The following ZC4H2 variants were observed in gnomAD, a reference collection of about 807,000 sequenced individuals.
The protein encoded by ZC4H2 is zinc finger C4H2-type containing, also known as zinc finger C4H2 domain-containing protein.
For missense variants in ZC4H2, 137 were observed against 173.9 expected (o/e 0.79, Z 1.19); for synonymous variants, 84 against 66.3 (o/e 1.27, Z -1.30).
intron 1 of ZC4H2, among the ~76,000 whole-genome samples, chrX:64,982,812 G>C: frequency 8.9e-6 from 1 of 112,168 alleles, no homozygotes; most frequent in Non-Finnish European, 1.9e-5. Context: ...GTATAAAAAT[G>C]TACAATGAAA....
chrX:65,023,663 G>A (rs1932853775), intron 1 of ZC4H2, among the ~76,000 whole-genome samples: 2 of 111,581 alleles, frequency 1.8e-5, no homozygotes, highest in East Asian at 2.8e-4. Context: ...TGGTGGGAGT[G>A]TAAATTGATT....
In ZC4H2 at chrX:64,921,850, C is replaced by G; in HGVS notation, c.192G>C (p.Glu64Asp). The change falls in exon 2 of 5, where the codon GAG (glutamate) becomes GAC (aspartate). Residue 64 changes from glutamate (E) to aspartate (D), a missense_variant. Physicochemically the swap from Glu to Asp is conservative, Grantham distance 45 (BLOSUM62 2). Coordinates refer to ENST00000374839, the MANE Select transcript of ZC4H2 (RefSeq NM_018684.4). ...TGTCAGCGTGGATCAGTCGGAGTTC[C>G]TCCACATGGGCCATCTTCTCCTGTA... ...LLLQEKMAHVEELRLIHADIN... is the reference protein window; with the variant it reads ...LLLQEKMAHVDELRLIHADIN... The G allele has an allele frequency of 8.3e-7, 1 of 1,210,807 alleles. No homozygotes were observed.
At chrX:64,977,497 T>G (rs1931985045), upstream of ZC4H2, among the ~76,000 whole-genome samples, 1 of 111,969 alleles carries the variant, frequency 8.9e-6, no homozygotes, top group Non-Finnish European at 1.9e-5. Flanking sequence ...AACTTTTAAA[T>G]TAATTAATTT....
At chrX:64,938,678 C>A (rs1468641662) in intron 1 of ZC4H2, among the ~76,000 whole-genome samples, 3 of 111,695 alleles carry the variant, frequency 2.7e-5, no homozygotes, top group African/African-American at 9.8e-5. Flanking sequence ...TAACCAATGA[C>A]AAAAAAGTCA....
upstream of ZC4H2, among the ~76,000 whole-genome samples, chrX:64,978,247 C>A (rs750905207): frequency 8.0e-5 from 9 of 111,914 alleles, no homozygotes; most frequent in Non-Finnish European, 1.7e-4. Flanking sequence ...TGGATGTCCA[C>A]AGTGATTTTA....
chrX:64,962,400 G>GA lies in ZC4H2; in HGVS notation c.53+13924dup, dbSNP rs1431392721. 2.7e-5 allele frequency among the ~76,000 whole-genome samples: 3 copies of GA among 110,901 alleles called. No individual in the cohort carries two copies. The Middle Eastern group carries it at 0.014, about 518-fold the overall frequency. On this transcript the variant is annotated intron_variant, in intron 1 of 4. Coordinates refer to ENST00000374839, the MANE Select transcript of ZC4H2 (RefSeq NM_018684.4). ...AACTCTCAACAACTAAAAATAGAAGGAAATTACCTCAACACAATAAAAGCC... is the reference window on the plus strand; with the variant it reads ...AACTCTCAACAACTAAAAATAGAAGGAAAATTACCTCAACACAATAAAAGCC...
At chrX:64,997,770 C>G (rs1359767633) in intron 1 of ZC4H2, among the ~76,000 whole-genome samples, 2 of 111,293 alleles carry the variant, frequency 1.8e-5, no homozygotes, top group Non-Finnish European at 3.8e-5. Context: ...GACCACACCA[C>G]CATGGCTGGC....
intron 1 of ZC4H2, among the ~76,000 whole-genome samples, chrX:64,966,095 C>T (rs925588127): frequency 9.0e-6 from 1 of 111,254 alleles, no homozygotes; most frequent in Admixed American, 9.5e-5. Context: ...ACACTCAAAA[C>T]TCACAATCAG....
At chrX:65,003,447 GAGAT>G (rs1209854707) in intron 1 of ZC4H2, among the ~76,000 whole-genome samples, 1 of 111,879 alleles carries the variant, frequency 8.9e-6, no homozygotes, top group Non-Finnish European at 1.9e-5. Context: ...AGAACTGAAA[GAGAT>G]AGAGACACAA....
intron 1 of ZC4H2, among the ~76,000 whole-genome samples, chrX:64,959,114 G>A (rs1403719689): frequency 2.7e-5 from 3 of 110,436 alleles, no homozygotes; most frequent in Admixed American, 9.8e-5. Context: ...ACTATAAATG[G>A]AAGAACCATT....
chrX:64,917,025 G>C lies in ZC4H2; in HGVS notation c.*758C>G, dbSNP rs1314419374. 8.9e-6 allele frequency: 1 copy of C among 112,097 alleles called. No homozygotes were observed. Among genetic ancestry groups the C allele is most frequent in the Non-Finnish European group, 1.9e-5 (1 of 53,174 alleles). 9.2% of individuals were successfully genotyped at this position (112,097 alleles called of 1,213,427 possible). A position where few individuals can be genotyped will look rare whatever the true frequency, so the allele number is the denominator to read the frequency against. ...CCGAGCCCTCAGCCCTAATGACTTA[G>C]GCAGTAGGTTAGGCAGGAGATGTAG... On this transcript the variant is annotated 3_prime_UTR_variant, in exon 5 of 5. Transcript: ENST00000374839.
At chrX:64,947,029 G>C (rs187144526) in intron 1 of ZC4H2, among the ~76,000 whole-genome samples, 1 of 110,913 alleles carries the variant, frequency 9.0e-6, no homozygotes, top group African/African-American at 3.3e-5. Context: ...CACAATTTTT[G>C]ATATTTTTCA....
In ZC4H2 at chrX:64,937,165, G is replaced by A. The variant is rs184400543; in HGVS notation, c.54-15177C>T. Among the ~76,000 whole-genome samples the A allele has an allele frequency of 5.1e-3, 559 of 110,256 alleles. 2 individuals are homozygous for A. The highest frequency in any genetic ancestry group is 0.017 in the African/African-American group (516 of 30,457). The stretch of plus-strand genomic sequence containing the variant: ...GACTTGAAACTAACCTGTTGGTTGT[G>A]TTTGTTGGTCAAAAGAGACAAAGAA... On this transcript the variant is annotated intron_variant, in intron 1 of 4. Transcript: ENST00000374839.
intron 1 of ZC4H2, among the ~76,000 whole-genome samples, chrX:64,958,271 G>A (rs767372129): frequency 1.8e-5 from 2 of 111,843 alleles, no homozygotes; most frequent in African/African-American, 6.5e-5. Context: ...CAGTGGGTAC[G>A]TCACTAGGTG....
intron 1 of ZC4H2, among the ~76,000 whole-genome samples, chrX:64,991,095 C>T (rs935323339): frequency 8.9e-6 from 1 of 111,829 alleles, no homozygotes; most frequent in African/African-American, 3.3e-5. Flanking sequence ...CTTGGAGCCT[C>T]GGTTTCCCAT....
intron 1 of ZC4H2, among the ~76,000 whole-genome samples, chrX:64,930,603 T>C (rs1218000309): frequency 1.8e-5 from 2 of 112,389 alleles, no homozygotes; most frequent in African/African-American, 3.2e-5. Context: ...AGATGCTTTT[T>C]CTGCATCTAT....
chrX:64,960,758 G>C (rs1045122927), intron 1 of ZC4H2, among the ~76,000 whole-genome samples: 4 of 111,985 alleles, frequency 3.6e-5, no homozygotes, highest in African/African-American at 6.5e-5. Context: ...CTTAAGATGG[G>C]TATTTGTGAA....
intron 1 of ZC4H2, among the ~76,000 whole-genome samples, chrX:65,017,058 A>G (rs1932802222): frequency 8.9e-6 from 1 of 111,875 alleles, no homozygotes; most frequent in African/African-American, 3.3e-5. Context: ...AAATAGTAGG[A>G]AAACATGTGG....
At chrX:65,009,023 G>A (rs1932715299) in intron 1 of ZC4H2, among the ~76,000 whole-genome samples, 1 of 111,702 alleles carries the variant, frequency 9.0e-6, no homozygotes, top group Non-Finnish European at 1.9e-5. Flanking sequence ...CACCACAATT[G>A]CCCTGACTTG....
Sources: gnomAD v4.1 joint callset for allele counts (sites outside exome capture counted in the v4.1 genomes callset) on GRCh38, gnomAD v4.1.1 for gene constraint, MANE v1.5 for transcripts, NCBI Gene and HGNC (gene_info 2026-07-23, HGNC 2026-07-21) for gene names.